KAZN: variants seen among roughly 807,000 people sequenced by gnomAD.
The protein encoded by KAZN is kazrin.
Under a neutral mutation model 87.4 loss-of-function variants are expected in KAZN, and 40 were observed. That is an observed-to-expected ratio of 0.46 (90% CI 0.36 to 0.60). The LOEUF (loss-of-function observed/expected upper bound fraction) is 0.60, where lower values mean the gene tolerates loss of function less well. Among genes scored for constraint, KAZN ranks in the 20% least tolerant of loss-of-function variants. KAZN has a pLI of 0.00. For missense variants in KAZN, 898 were observed against 1,073.9 expected, an observed-to-expected ratio of 0.84 and a Z score of 2.29; for synonymous variants, 466 against 458.3, an observed-to-expected ratio of 1.02 and a Z score of -0.22.
chr1:14,935,410 G>T (rs1033183296), intron 1 of KAZN, among the ~76,000 whole-genome samples: 3 of 143,800 alleles, frequency 2.1e-5, no homozygotes, highest in Admixed American at 1.4e-4. Context: ...CCAACCCCCA[G>T]CCCCATCCCC....
chr1:15,041,536 C>T (rs926027623), intron 3 of KAZN, among the ~76,000 whole-genome samples: 1 of 151,886 alleles, frequency 6.6e-6, no homozygotes, highest in African/African-American at 2.4e-5. Flanking sequence ...AGGGCTTCTC[C>T]ATGTTGGTCA....
chr1:14,681,566 G>A (rs1226811011), intron 1 of KAZN, among the ~76,000 whole-genome samples: 1 of 123,432 alleles, frequency 8.1e-6, no homozygotes, highest in East Asian at 2.4e-4. Context: ...TGGTAAAATA[G>A]ACATAACATA....
chr1:14,841,405 C>CAAAAAAAAAAA (rs57248871), intron 1 of KAZN, among the ~76,000 whole-genome samples: 3 of 88,868 alleles, frequency 3.4e-5, no homozygotes, highest in Non-Finnish European at 4.4e-5. Context: ...GACTCCGTCT[C>CAAAAAAAAAAA]AAAAAAAAAA....
intron 1 of KAZN, among the ~76,000 whole-genome samples, chr1:14,797,819 A>G (rs1263311286): frequency 6.6e-6 from 1 of 152,172 alleles, no homozygotes; most frequent in East Asian, 1.9e-4. Flanking sequence ...TTCATTGAGT[A>G]GCCGTGAGGA....
At chr1:14,341,214 A>G (rs1202962568) in intron 2 of KAZN, among the ~76,000 whole-genome samples, 1 of 152,144 alleles carries the variant, frequency 6.6e-6, no homozygotes, top group East Asian at 1.9e-4. Context: ...ATTTTTTAAA[A>G]AAGATTAGGC....
At chr1:14,236,581 C>T (rs1648441764) in intron 2 of KAZN, among the ~76,000 whole-genome samples, 1 of 152,150 alleles carries the variant, frequency 6.6e-6, no homozygotes, top group Admixed American at 6.5e-5. Context: ...GGTACTTTCC[C>T]TCAAGGATGA....
At chr1:14,019,143 T>G (rs1308757191) in intron 1 of KAZN, among the ~76,000 whole-genome samples, 1 of 152,230 alleles carries the variant, frequency 6.6e-6, no homozygotes, top group Non-Finnish European at 1.5e-5. Context: ...CTTGCAGACT[T>G]ACTGATTAGA....
At chr1:14,304,392 T>C (rs940608859) in intron 2 of KAZN, among the ~76,000 whole-genome samples, 1 of 152,190 alleles carries the variant, frequency 6.6e-6, no homozygotes, top group African/African-American at 2.4e-5. Context: ...TACCCCAGCT[T>C]AGACCAAAAT....
intron 2 of KAZN, among the ~76,000 whole-genome samples, chr1:14,441,582 C>T (rs912286562): frequency 1.3e-5 from 2 of 152,190 alleles, no homozygotes; most frequent in African/African-American, 2.4e-5. Context: ...CTGTTCTCAT[C>T]AGATACGTTT....
At chr1:14,896,286 C>G (rs563891032) in intron 1 of KAZN, among the ~76,000 whole-genome samples, 1 of 152,138 alleles carries the variant, frequency 6.6e-6, no homozygotes, top group Non-Finnish European at 1.5e-5. Flanking sequence ...ATCTCTTGAC[C>G]TCGTGATCCG....
intron 1 of KAZN, among the ~76,000 whole-genome samples, chr1:14,775,398 C>T (rs1421709022): frequency 1.3e-5 from 2 of 152,218 alleles, no homozygotes; most frequent in Non-Finnish European, 2.9e-5. Flanking sequence ...GCTGTTCCTT[C>T]GTCAGGTTTG....
intron 2 of KAZN, among the ~76,000 whole-genome samples, chr1:14,300,057 G>A (rs1654431174): frequency 1.3e-5 from 2 of 152,158 alleles, no homozygotes; most frequent in South Asian, 2.1e-4. Context: ...TGGTGTACTT[G>A]GAAGAGAGTC....
intron 1 of KAZN, among the ~76,000 whole-genome samples, chr1:13,995,894 A>G (rs11585369): frequency 0.9 from 137,662 of 152,280 alleles, 62,517 homozygotes; most frequent in African/African-American, 0.96. Context: ...GAAGCTCAAC[A>G]TGATAGAGGC....
At chr1:14,059,066 G>A (rs1258416233) in intron 1 of KAZN, among the ~76,000 whole-genome samples, 1 of 152,210 alleles carries the variant, frequency 6.6e-6, no homozygotes, top group South Asian at 2.1e-4. Context: ...TGAGGAGGTC[G>A]AGGGACTGTG....
chr1:14,115,831 A>G (rs921274910), intron 1 of KAZN, among the ~76,000 whole-genome samples: 2 of 152,184 alleles, frequency 1.3e-5, no homozygotes, highest in African/African-American at 4.8e-5. Flanking sequence ...CGATACGGAC[A>G]ATAAAGTCCA....
At chr1:14,360,727 G>A (rs549184576) in intron 2 of KAZN, among the ~76,000 whole-genome samples, 1 of 152,314 alleles carries the variant, frequency 6.6e-6, no homozygotes, top group African/African-American at 2.4e-5. Flanking sequence ...GTTTGTTGGA[G>A]GTTCACTCCA....
intron 1 of KAZN, among the ~76,000 whole-genome samples, chr1:14,757,382 G>A (rs1293738425): frequency 6.6e-6 from 1 of 152,208 alleles, no homozygotes. Flanking sequence ...AGATTGGAAT[G>A]TACTGGAAAG....
Position 14,846,488 on chromosome 1 carries a change from C to T in KAZN, c.227-114196C>T, listed in dbSNP as rs142043512. On this transcript the variant is annotated intron_variant, in intron 1 of 14. Transcript: ENST00000376030. ...ATGTCACTGGTTGCTTTCAACAGAC[C>T]GTGAGATATTAAAAAACAAAAACAA... 5.7e-4 allele frequency among the ~76,000 whole-genome samples: 86 copies of T among 151,924 alleles called. 1 individual carries two copies. The highest frequency in any genetic ancestry group is 1.6e-3 in the African/African-American group (67 of 41,410).
intron 1 of KAZN, among the ~76,000 whole-genome samples, chr1:14,745,760 G>A (rs888268953): frequency 2.0e-5 from 3 of 152,138 alleles, no homozygotes; most frequent in African/African-American, 7.2e-5. Context: ...CCGGAGCTTC[G>A]TTTAGACAAA....
Sources: allele counts gnomAD v4.1 joint callset (sites outside exome capture counted in the v4.1 genomes callset), GRCh38; gene constraint gnomAD v4.1.1; transcripts MANE v1.5; gene names NCBI Gene and HGNC (gene_info 2026-07-23, HGNC 2026-07-21).